MIDN: variants seen among roughly 807,000 people sequenced by gnomAD.
MIDN encodes the protein midbrain nucleolar protein.
MIDN carries 26 observed loss-of-function variants against 46.1 expected under a neutral mutation model. The ratio of observed to expected loss-of-function variants is 0.56; its 90% CI spans 0.41 to 0.78. The LOEUF (loss-of-function observed/expected upper bound fraction) is 0.78. Ranked by LOEUF, MIDN falls within the 30% of genes least tolerant of loss-of-function variation. The pLI, the probability that MIDN is intolerant of heterozygous loss-of-function variation, is 0.00. For synonymous variants in MIDN, 432 were observed against 343.3 expected (o/e 1.26, Z -2.86); for missense variants, 850 against 771.8 (o/e 1.10, Z -1.20).
In MIDN at chr19:1,254,154, G is replaced by A. The variant is rs374637491; in HGVS notation, c.514-13G>A. On this transcript the variant is annotated splice_polypyrimidine_tract_variant and intron_variant, in intron 5 of 8. Coordinates refer to ENST00000682408, the MANE Select transcript of MIDN (RefSeq NM_001388306.1). ...AGCTGGGGCTCCCAGCTGACGGACC[G>A]CTCTCCTTGCAGGTCAGTGACTTCC... The A allele has an allele frequency of 2.6e-5, 42 of 1,588,226 alleles. No homozygotes were observed. Among genetic ancestry groups the A allele is most frequent in the African/African-American group, 1.8e-4 (13 of 74,276 alleles).
At position 1,254,309 on chromosome 19, in the gene MIDN, C is replaced by G; in HGVS notation, c.656C>G (p.Ala219Gly). 1 of 1,569,660 alleles carries G rather than the reference C, an allele frequency of 6.4e-7. No individual in the cohort carries two copies. Among genetic ancestry groups the G allele is most frequent in the Non-Finnish European group, 8.6e-7 (1 of 1,165,218 alleles). The part of the protein sequence containing the change: ...RHVLAAAAAA[A>G]AARGDPSIAS... ...GTGCTGGCCGCTGCGGCCGCCGCCG[C>G]TGCTGCGCGGGGGGACCCCAGCATA... Residue 219 changes from alanine (A) to glycine (G), a missense_variant, in exon 6 of 9, where the codon GCT becomes GGT. Ala to Gly is a moderately conservative substitution (Grantham distance 60). Transcript: ENST00000682408.
chr19:1,257,541 C>T lies in MIDN; in HGVS notation c.*269C>T. On this transcript the variant is annotated 3_prime_UTR_variant, in exon 9 of 9. Coordinates refer to ENST00000682408, the MANE Select transcript of MIDN (RefSeq NM_001388306.1). ...CTTCCTCCTCCTCCTCCTCCTCCGT[C>T]TGTCTCCTTTCACCTCTGCGCCAGG... 2.3e-6 allele frequency: 1 copy of T among 433,618 alleles called. No homozygotes were observed. The highest frequency in any genetic ancestry group is 4.1e-6 in the Non-Finnish European group (1 of 245,112). The allele number at this position is 433,618 out of a possible 1,614,324, so 26.9% of individuals were successfully genotyped here. A position where few individuals can be genotyped will look rare whatever the true frequency, so the allele number is the denominator to read the frequency against.
chr19:1,251,529 G>A, intron 2 of MIDN, 33 bp from the exon 3 acceptor site: 2 of 1,598,984 alleles, frequency 1.3e-6, no homozygotes, highest in Non-Finnish European at 1.7e-6. Flanking sequence ...TGTCGTCTCC[G>A]CGGAGTCTCA....
At chr19:1,253,003 C>T (rs1056674933) in intron 4 of MIDN, among the ~76,000 whole-genome samples, 5 of 137,972 alleles carry the variant, frequency 3.6e-5, no homozygotes, top group African/African-American at 1.1e-4. Flanking sequence ...CACCCTCCTC[C>T]CTGGGCGCCT....
Position 1,257,379 on chromosome 19 carries a change from TC to T in MIDN, c.*112del, listed in dbSNP as rs1568799139. ...CCAGCCCTGGAGGGCAGGCGGCCAC[TC>T]CCCCAGCCAGAAGTCTTTTTTTCTT... is the stretch of plus-strand genomic sequence containing the variant. On this transcript the variant is annotated 3_prime_UTR_variant, in exon 9 of 9. Coordinates refer to ENST00000682408, the MANE Select transcript of MIDN (RefSeq NM_001388306.1). 1.2e-6 allele frequency: 1 copy of T among 817,790 alleles called. No homozygotes were observed. Among genetic ancestry groups the T allele is most frequent in the Non-Finnish European group, 2.0e-6 (1 of 502,228 alleles). 50.7% of individuals were successfully genotyped at this position (817,790 alleles called of 1,614,324 possible). A position where few individuals can be genotyped will look rare whatever the true frequency, so the allele number is the denominator to read the frequency against.
chr19:1,254,998 C>A lies in MIDN; in HGVS notation c.922C>A (p.Pro308Thr). The A allele has an allele frequency of 6.2e-7, 1 of 1,613,298 alleles. No homozygotes were observed. Among genetic ancestry groups the A allele is most frequent in the South Asian group, 1.1e-5 (1 of 91,084 alleles). The change falls in exon 7 of 9, where the codon CCC becomes ACC. Residue 308 changes from proline to threonine, a missense_variant. Coordinates refer to ENST00000682408, the MANE Select transcript of MIDN (RefSeq NM_001388306.1). ...CAGCCCTGCCCCCCGCTCCCGAAAA[C>A]CCGGCGCCGTCATCGAGAGCTTTGT... ...GASPAPRSRK[P>T]GAVIESFVNH...
chr19:1,251,199 G>A (rs1321870513), intron 2 of MIDN: 4 of 211,322 alleles, frequency 1.9e-5, no homozygotes, highest in Admixed American at 1.8e-4. Context: ...ACAAAGAGGA[G>A]CCAGGACTAG....
chr19:1,251,822 C>A lies in MIDN; in HGVS notation c.322-17C>A, dbSNP rs201839842. 1.9e-6 allele frequency: 3 copies of A among 1,611,388 alleles called. No homozygotes were observed. Among genetic ancestry groups the A allele is most frequent in the South Asian group, 1.1e-5 (1 of 91,020 alleles). Reference sequence around the variant, plus strand: ...TCCGACCCCACACTCAGGCCCCTCTCCTCCCTCTCTTTGTAGTCTCAGGCC... The same window carrying A: ...TCCGACCCCACACTCAGGCCCCTCTACTCCCTCTCTTTGTAGTCTCAGGCC... On this transcript the variant is annotated splice_polypyrimidine_tract_variant and intron_variant, in intron 3 of 8. Coordinates refer to ENST00000682408, the MANE Select transcript of MIDN (RefSeq NM_001388306.1).
At chr19:1,254,111 T>TG in intron 5 of MIDN, 29 bp downstream of exon 5, 1 of 1,547,616 alleles carries the variant, frequency 6.5e-7, no homozygotes, top group Non-Finnish European at 8.7e-7. Context: ...TGGGCCGGGC[T>TG]GGGCTGGGGG....
At position 1,254,882 on chromosome 19, in the gene MIDN, G is replaced by A; in HGVS notation, c.826-20G>A. 1.3e-6 allele frequency: 2 copies of A among 1,590,800 alleles called. No homozygotes were observed. The highest frequency in any genetic ancestry group is 1.7e-6 in the Non-Finnish European group (2 of 1,167,624). On this transcript the variant is annotated intron_variant, in intron 6 of 8. Coordinates refer to ENST00000682408, the MANE Select transcript of MIDN (RefSeq NM_001388306.1). ...CCCTGATCCTGGACCCCGTGCTCAT[G>A]TGCCCCTTCCTCCCATCAGCAGATG...
intron 1 of MIDN, among the ~76,000 whole-genome samples, chr19:1,248,980 C>A (rs2081088196): frequency 1.3e-5 from 2 of 152,038 alleles, no homozygotes; most frequent in Admixed American, 1.3e-4. Context: ...CGGGGTTCCT[C>A]CCCCGCGCGC....
chr19:1,256,551 C>T (rs903891634), intron 8 of MIDN, among the ~76,000 whole-genome samples: 1 of 151,928 alleles, frequency 6.6e-6, no homozygotes, highest in African/African-American at 2.4e-5. Flanking sequence ...GCGGCCAAGC[C>T]CCCTCCATGT....
At position 1,258,204 on chromosome 19, in the gene MIDN, A is replaced by G. The variant is rs2081225242; in HGVS notation, c.*932A>G. 1 of 152,598 alleles carries G rather than the reference A, an allele frequency of 6.6e-6. No homozygotes were observed. Among genetic ancestry groups the G allele is most frequent in the African/African-American group, 2.4e-5 (1 of 41,450 alleles). 9.5% of individuals were successfully genotyped at this position (152,598 alleles called of 1,614,324 possible). On this transcript the variant is annotated 3_prime_UTR_variant, in exon 9 of 9. Transcript: ENST00000682408. ...GGGAACTCTTGAAAAAGGGGAGAGAATGGCTGGGTGCTGGGGAGTTCCCCC... is the reference window on the plus strand; with the variant it reads ...GGGAACTCTTGAAAAAGGGGAGAGAGTGGCTGGGTGCTGGGGAGTTCCCCC...
intron 4 of MIDN, among the ~76,000 whole-genome samples, chr19:1,252,855 G>C (rs2081148850): frequency 6.6e-6 from 1 of 152,248 alleles, no homozygotes; most frequent in Admixed American, 6.5e-5. Flanking sequence ...CACAGCAGCA[G>C]CAGCAGTGGC....
intron 2 of MIDN, among the ~76,000 whole-genome samples, chr19:1,250,834 T>A (rs2081117009): frequency 6.6e-6 from 1 of 151,572 alleles, no homozygotes; most frequent in Admixed American, 6.6e-5. Flanking sequence ...CACCGCCCCC[T>A]CCCGCCTGCG....
At chr19:1,256,888 G>T in intron 8 of MIDN, 107 bp from the exon 9 acceptor site, 1 of 1,528,042 alleles carries the variant, frequency 6.5e-7, no homozygotes, top group Non-Finnish European at 8.8e-7. Context: ...CCTCCAGGGA[G>T]GGCAGGACTG....
intron 2 of MIDN, 54 bp from the exon 3 acceptor site, chr19:1,251,508 C>T (rs746097092): frequency 7.8e-5 from 121 of 1,555,506 alleles, no homozygotes; most frequent in Non-Finnish European, 1.0e-4. Flanking sequence ...GCCTCTGCTT[C>T]CGCGTCCCTG....
intron 8 of MIDN, 98 bp downstream of exon 8, chr19:1,255,792 C>A: frequency 8.2e-7 from 1 of 1,218,610 alleles, no homozygotes; most frequent in South Asian, 1.6e-5. Flanking sequence ...GCTGACCTGC[C>A]CAGGGGCTGG....
In MIDN at chr19:1,251,838, G is replaced by C; in HGVS notation, c.322-1G>C. On this transcript the variant is annotated splice_acceptor_variant, in intron 3 of 8. Coordinates refer to ENST00000682408, the MANE Select transcript of MIDN (RefSeq NM_001388306.1). LOFTEE classifies it high-confidence loss of function. ...GGCCCCTCTCCTCCCTCTCTTTGTA[G>C]TCTCAGGCCTCAAGGCCGGAACAGT... 2 of 1,613,038 alleles carry C rather than the reference G, an allele frequency of 1.2e-6. No individual in the cohort carries two copies. The highest frequency in any genetic ancestry group is 1.7e-6 in the Non-Finnish European group (2 of 1,179,404).
Sources: allele counts gnomAD v4.1 joint callset (sites outside exome capture counted in the v4.1 genomes callset), GRCh38; gene constraint gnomAD v4.1.1; transcripts MANE v1.5; gene names NCBI Gene and HGNC (gene_info 2026-07-23, HGNC 2026-07-21).